PCDHA9: variants seen among roughly 807,000 people sequenced by gnomAD.
The protein encoded by PCDHA9 is protocadherin alpha-9.
Under a neutral mutation model 62.0 loss-of-function variants are expected in PCDHA9, and 62 were observed. That is an observed-to-expected ratio of 1.00 (90% CI 0.81 to 1.23). The LOEUF (loss-of-function observed/expected upper bound fraction) is 1.23, where lower values mean the gene tolerates loss of function less well. Ranked by LOEUF, PCDHA9 falls within the 50% of genes most tolerant of loss-of-function variation. The probability of loss-of-function intolerance (pLI) is 0.00; values close to 1 mark genes in which losing one functional copy is unlikely to be tolerated. For missense variants in PCDHA9, 1,205 were observed against 1,249.8 expected, an observed-to-expected ratio of 0.96 and a Z score of 0.54; for synonymous variants, 557 against 567.6, an observed-to-expected ratio of 0.98 and a Z score of 0.27.
intron 1 of PCDHA9, among the ~76,000 whole-genome samples, chr5:140,888,153 G>A (rs2061714988): frequency 6.6e-6 from 1 of 152,056 alleles, no homozygotes; most frequent in African/African-American, 2.4e-5. Context: ...TTGCATGACT[G>A]GTAATCTCTA....
At chr5:140,977,140 G>A (rs2096748068) in intron 1 of PCDHA9, among the ~76,000 whole-genome samples, 1 of 152,202 alleles carries the variant, frequency 6.6e-6, no homozygotes, top group Non-Finnish European at 1.5e-5. Context: ...GGTCAGTCCT[G>A]CTGGAACTGT....
intron 1 of PCDHA9, among the ~76,000 whole-genome samples, chr5:140,937,332 C>T (rs1003482242): frequency 6.3e-4 from 96 of 152,212 alleles, no homozygotes; most frequent in African/African-American, 2.0e-3. Context: ...CCACCGCGCC[C>T]GGCTTCTTCC....
intron 1 of PCDHA9, chr5:140,866,649 T>C (rs1554160460): frequency 6.6e-6 from 1 of 152,162 alleles, no homozygotes; most frequent in South Asian, 2.1e-4. Context: ...AAAATTTATT[T>C]ATGTGTTTTC....
Position 141,009,779 on chromosome 5 carries a change from A to G in PCDHA9, c.2695A>G (p.Ile899Val), listed in dbSNP as rs1289763016. 3.7e-6 allele frequency: 6 copies of G among 1,613,952 alleles called. No individual in the cohort carries two copies. Among genetic ancestry groups the G allele is most frequent in the Non-Finnish European group, 5.1e-6 (6 of 1,180,030 alleles). ...CCCAGGATCTCCTGCAATCATCTCCATCCGGCAGGAGCCTACTAACAGCCA... is the reference window on the plus strand; with the variant it reads ...CCCAGGATCTCCTGCAATCATCTCCGTCCGGCAGGAGCCTACTAACAGCCA... ...IIPGSPAIIS[I>V]RQEPTNSQID... The change falls in exon 4 of 4, where the codon ATC becomes GTC. Residue 899 changes from isoleucine to valine, a missense_variant. Coordinates refer to ENST00000532602, the MANE Select transcript of PCDHA9 (RefSeq NM_031857.2).
Position 140,858,344 on chromosome 5 carries a change from G to A in PCDHA9, c.2394+7455G>A, listed in dbSNP as rs371621182. 1.0e-5 allele frequency: 16 copies of A among 1,595,144 alleles called. No homozygotes were observed. In the East Asian group the frequency reaches 3.6e-4, roughly 36 times the overall value. On this transcript the variant is annotated intron_variant, in intron 1 of 3. Coordinates refer to ENST00000532602, the MANE Select transcript of PCDHA9 (RefSeq NM_031857.2). Reference sequence around the variant, plus strand: ...TTCTGGGGAGGGCCTGCCCAAGGCGGACCTCATGGCCTTCAGCCCCAGCCT... The same window carrying A: ...TTCTGGGGAGGGCCTGCCCAAGGCGAACCTCATGGCCTTCAGCCCCAGCCT...
chr5:140,853,497 T>C lies in PCDHA9; in HGVS notation c.2394+2608T>C, dbSNP rs1479086696. On this transcript the variant is annotated intron_variant, in intron 1 of 3. Coordinates refer to ENST00000532602, the MANE Select transcript of PCDHA9 (RefSeq NM_031857.2). Reference sequence around the variant, plus strand: ...TAACATTCCTCAATTCAAGTTAGAATCATGAAACAATAATGAAGCTCCTCC... The same window carrying C: ...TAACATTCCTCAATTCAAGTTAGAACCATGAAACAATAATGAAGCTCCTCC... The C allele has an allele frequency of 3.6e-5, 35 of 975,892 alleles. 4 individuals are homozygous for C. The highest frequency in any genetic ancestry group is 4.2e-5 in the Non-Finnish European group (34 of 808,754). The allele number at this position is 975,892 out of a possible 1,614,324, so 60.5% of individuals were successfully genotyped here.
rs2150416183 is a variant in PCDHA9, at chr5:140,848,654, G to A, written c.159G>A (p.Gly53=). ...TFVGRIAQDL[G]LELAELVPRL... ...TGGGCCGCATCGCGCAGGACCTGGG[G>A]CTGGAGCTGGCGGAGCTGGTGCCGC... The change falls in exon 1 of 4, where the codon GGG becomes GGA. Residue 53 remains glycine, a synonymous_variant. Coordinates refer to ENST00000532602, the MANE Select transcript of PCDHA9 (RefSeq NM_031857.2). The A allele has an allele frequency of 3.8e-6, 6 of 1,592,752 alleles. 1 individual carries two copies. Among genetic ancestry groups the A allele is most frequent in the African/African-American group, 1.3e-5 (1 of 74,466 alleles).
chr5:141,005,049 T>C (rs1248594838), intron 3 of PCDHA9, among the ~76,000 whole-genome samples: 6 of 152,264 alleles, frequency 3.9e-5, no homozygotes, highest in African/African-American at 1.4e-4. Context: ...TACCATTTAC[T>C]GAATTCTTGC....
At chr5:140,882,749 G>C (rs1393099675) in intron 1 of PCDHA9, 1 of 1,614,126 alleles carries the variant, frequency 6.2e-7, no homozygotes, top group Non-Finnish European at 8.5e-7. Flanking sequence ...ATCCGATGCA[G>C]ATATTGGAGT....
At chr5:140,857,655 C>T (rs782490979) in intron 1 of PCDHA9, 1 of 1,596,728 alleles carries the variant, frequency 6.3e-7, no homozygotes, top group Non-Finnish European at 8.6e-7. Context: ...CAGGTGAGCG[C>T]GCGCGATGGG....
chr5:140,955,397 A>G (rs1470827673), intron 1 of PCDHA9, among the ~76,000 whole-genome samples: 1 of 152,130 alleles, frequency 6.6e-6, no homozygotes, highest in Non-Finnish European at 1.5e-5. Context: ...CAATTATCCC[A>G]TACAGTTCTC....
chr5:140,933,441 C>T (rs1197059199), intron 1 of PCDHA9, among the ~76,000 whole-genome samples: 1 of 151,990 alleles, frequency 6.6e-6, no homozygotes, highest in African/African-American at 2.4e-5. Flanking sequence ...ACTCTAATGA[C>T]ATACCTTCAA....
chr5:140,933,270 C>T (rs1388946153), intron 1 of PCDHA9, among the ~76,000 whole-genome samples: 1 of 151,842 alleles, frequency 6.6e-6, no homozygotes, highest in African/African-American at 2.4e-5. Context: ...ATTATATATT[C>T]ATTTGGAACT....
chr5:140,922,465 T>G (rs116670359), intron 1 of PCDHA9, among the ~76,000 whole-genome samples: 1 of 152,190 alleles, frequency 6.6e-6, no homozygotes, highest in African/African-American at 2.4e-5. Flanking sequence ...CAACACAAAA[T>G]AGGAGAGAAG....
intron 3 of PCDHA9, among the ~76,000 whole-genome samples, chr5:140,999,234 G>T (rs1327126129): frequency 1.3e-5 from 2 of 152,232 alleles, no homozygotes; most frequent in African/African-American, 4.8e-5. Context: ...AGAATAGGTG[G>T]TTAAAGTGGG....
At chr5:140,982,022 G>T (rs2096962811) in intron 2 of PCDHA9, among the ~76,000 whole-genome samples, 1 of 152,168 alleles carries the variant, frequency 6.6e-6, no homozygotes, top group African/African-American at 2.4e-5. Context: ...AGCCAAATTG[G>T]AACAATACTC....
chr5:140,977,122 AG>A (rs2096747423), intron 1 of PCDHA9, among the ~76,000 whole-genome samples: 1 of 152,226 alleles, frequency 6.6e-6, no homozygotes, highest in South Asian at 2.1e-4. Flanking sequence ...TAATGAACTG[AG>A]TTTCCTGGTC....
chr5:140,857,555 C>G, intron 1 of PCDHA9: 1 of 1,597,062 alleles, frequency 6.3e-7, no homozygotes, highest in East Asian at 2.2e-5. Flanking sequence ...CGAGCGCTCG[C>G]TGTCGAGCTA....
intron 1 of PCDHA9, among the ~76,000 whole-genome samples, chr5:140,934,682 A>G (rs2089985981): frequency 6.6e-6 from 1 of 152,156 alleles, no homozygotes; most frequent in Non-Finnish European, 1.5e-5. Flanking sequence ...AGTATTCAAA[A>G]CAATGAATTG....
Sources: gnomAD v4.1 joint callset for allele counts (sites outside exome capture counted in the v4.1 genomes callset) on GRCh38, gnomAD v4.1.1 for gene constraint, MANE v1.5 for transcripts, NCBI Gene and HGNC (gene_info 2026-07-23, HGNC 2026-07-21) for gene names.